Variants in LGSN observed in about 807,000 individuals in gnomAD.
The protein encoded by LGSN is lengsin, lens protein with glutamine synthetase domain.
A neutral mutation model predicts 19.5 loss-of-function variants in LGSN; 21 were observed. The ratio of observed to expected loss-of-function variants is 1.07; its 90% CI spans 0.76 to 1.55. The LOEUF is 1.55. Ranked by LOEUF, LGSN falls within the 40% of genes most tolerant of loss-of-function variation. The pLI, the probability that LGSN is intolerant of heterozygous loss-of-function variation, is 0.00. For synonymous variants in LGSN, 257 were observed against 215.6 expected, an observed-to-expected ratio of 1.19 and a Z score of -1.68; for missense variants, 673 against 608.5, an observed-to-expected ratio of 1.11 and a Z score of -1.12.
chr6:63,513,966 C>T, the LGSN span, among the ~76,000 whole-genome samples: 1 of 147,612 alleles, frequency 6.8e-6, no homozygotes, highest in Non-Finnish European at 1.5e-5. Flanking sequence ...TGCCTTTATT[C>T]CAATGTGGCT....
chr6:63,572,517 G>C, the LGSN span: 2 of 391,210 alleles, frequency 5.1e-6, no homozygotes. Flanking sequence ...GCTGCGGGCC[G>C]GCTCGGCTAC....
chr6:63,455,779 A>G, the LGSN span, among the ~76,000 whole-genome samples: 2 of 151,744 alleles, frequency 1.3e-5, no homozygotes, highest in African/African-American at 4.8e-5. Flanking sequence ...AATAAATAAA[A>G]ACTCATCTGT....
the LGSN span, among the ~76,000 whole-genome samples, chr6:63,335,183 T>C: frequency 6.7e-6 from 1 of 149,478 alleles, no homozygotes; most frequent in African/African-American, 2.5e-5. Context: ...AAGGACAGTC[T>C]CTTTGATAGT....
At chr6:63,342,474 C>A in the LGSN span, among the ~76,000 whole-genome samples, 1 of 152,056 alleles carries the variant, frequency 6.6e-6, no homozygotes, top group South Asian at 2.1e-4. Flanking sequence ...TGCTATGATT[C>A]AATAAATGTA....
the LGSN span, among the ~76,000 whole-genome samples, chr6:63,363,905 C>T: frequency 6.6e-6 from 1 of 152,100 alleles, no homozygotes; most frequent in East Asian, 1.9e-4. Context: ...TCAGATTCAA[C>T]AAACTTGAAA....
the LGSN span, among the ~76,000 whole-genome samples, chr6:63,376,000 T>C: frequency 1.3e-5 from 2 of 152,300 alleles, no homozygotes; most frequent in South Asian, 4.1e-4. Context: ...ATTTTCTTAA[T>C]GTCACAAATT....
the LGSN span, among the ~76,000 whole-genome samples, chr6:63,446,243 CAAAA>C: frequency 5.6e-4 from 42 of 74,726 alleles, no homozygotes; most frequent in Non-Finnish European, 8.5e-4. Flanking sequence ...GACTGTGTCT[CAAAA>C]AAAAAAAAAA....
chr6:63,557,719 A>G, the LGSN span, among the ~76,000 whole-genome samples: 2 of 152,338 alleles, frequency 1.3e-5, no homozygotes, highest in African/African-American at 2.4e-5. Flanking sequence ...TCTAGAAAGC[A>G]TAATGGAGTG....
At chr6:63,327,411 G>T in the LGSN span, among the ~76,000 whole-genome samples, 35 of 152,122 alleles carry the variant, frequency 2.3e-4, no homozygotes, top group Non-Finnish European at 4.4e-4. Flanking sequence ...GTCTGATTTC[G>T]GAAGCCTTTT....
the LGSN span, among the ~76,000 whole-genome samples, chr6:63,490,238 G>T: frequency 1.3e-5 from 2 of 152,126 alleles, no homozygotes; most frequent in African/African-American, 2.4e-5. Context: ...ATCTCTTCCT[G>T]CCTGTTTTCA....
the LGSN span, among the ~76,000 whole-genome samples, chr6:63,515,603 G>A: frequency 6.6e-6 from 1 of 152,324 alleles, no homozygotes; most frequent in Admixed American, 6.5e-5. Context: ...GCAATCTTGA[G>A]TTGACATGTA....
the LGSN span, among the ~76,000 whole-genome samples, chr6:63,518,517 G>A: frequency 1.3e-5 from 2 of 152,180 alleles, no homozygotes; most frequent in Non-Finnish European, 2.9e-5. Context: ...TTCCTTCTTT[G>A]AGGTTGAGAC....
the LGSN span, among the ~76,000 whole-genome samples, chr6:63,495,051 TAAC>T: frequency 6.6e-6 from 1 of 152,146 alleles, no homozygotes; most frequent in Non-Finnish European, 1.5e-5. Flanking sequence ...ACCTATATAA[TAAC>T]ACATTTAATT....
At chr6:63,290,641 C>T (rs945713961) in intron 2 of LGSN, among the ~76,000 whole-genome samples, 1 of 152,206 alleles carries the variant, frequency 6.6e-6, no homozygotes, top group Non-Finnish European at 1.5e-5. Context: ...GATGGGCAGG[C>T]AACCTCTACT....
the LGSN span, among the ~76,000 whole-genome samples, chr6:63,510,871 A>G: frequency 6.6e-6 from 1 of 151,910 alleles, no homozygotes; most frequent in African/African-American, 2.4e-5. Flanking sequence ...ACAGGATTTC[A>G]CTATGTTGGC....
chr6:63,474,100 C>T, the LGSN span, among the ~76,000 whole-genome samples: 2 of 152,030 alleles, frequency 1.3e-5, no homozygotes, highest in Non-Finnish European at 2.9e-5. Flanking sequence ...AGAACTTGGC[C>T]CATATTATGA....
chr6:63,514,729 T>C, the LGSN span, among the ~76,000 whole-genome samples: 4 of 152,160 alleles, frequency 2.6e-5, no homozygotes, highest in Non-Finnish European at 5.9e-5. Context: ...TTTGTTTGTC[T>C]GGGTCTTGCT....
the LGSN span, among the ~76,000 whole-genome samples, chr6:63,439,826 G>C: frequency 0.11 from 16,480 of 152,124 alleles, 1,835 homozygotes; most frequent in African/African-American, 0.28. Flanking sequence ...GTCCAATTCA[G>C]ATATCGAACC....
At chr6:63,398,237 A>C in the LGSN span, among the ~76,000 whole-genome samples, 3 of 151,140 alleles carry the variant, frequency 2.0e-5, no homozygotes, top group East Asian at 5.8e-4. Flanking sequence ...AGTTAACTAT[A>C]AAACAGATTC....
Sources: allele counts gnomAD v4.1 joint callset (sites outside exome capture counted in the v4.1 genomes callset), GRCh38; gene constraint gnomAD v4.1.1; transcripts MANE v1.5; gene names NCBI Gene and HGNC (gene_info 2026-07-23, HGNC 2026-07-21).